The following WWOX variants were observed in gnomAD, a reference collection of about 807,000 sequenced individuals.
The protein encoded by WWOX is WW domain-containing oxidoreductase.
WWOX carries 69 observed loss-of-function variants against 46.2 expected under a neutral mutation model. That is an observed-to-expected ratio of 1.49 (90% CI 1.23 to 1.82). The LOEUF is 1.82. Among genes scored for constraint, WWOX ranks in the 40% most tolerant of loss-of-function variants. The probability of loss-of-function intolerance (pLI) is 0.00; values close to 1 mark genes in which losing one functional copy is unlikely to be tolerated. For missense variants in WWOX, 919 were observed against 542.6 expected (o/e 1.69, Z -6.89); for synonymous variants, 359 against 202.6 (o/e 1.77, Z -6.56).
At chr16:79,152,938 A>G (rs771294593) in intron 8 of WWOX, among the ~76,000 whole-genome samples, 9 of 152,140 alleles carry the variant, frequency 5.9e-5, no homozygotes, top group South Asian at 4.1e-4. Context: ...GACGGTGGAA[A>G]GAGAGGACTG....
chr16:78,571,513 A>C (rs541846345), intron 8 of WWOX, among the ~76,000 whole-genome samples: 2 of 152,326 alleles, frequency 1.3e-5, no homozygotes, highest in African/African-American at 4.8e-5. Context: ...GTGCCTTAGA[A>C]TACAAACTGT....
intron 5 of WWOX, among the ~76,000 whole-genome samples, chr16:78,202,497 A>G (rs975935195): frequency 6.6e-6 from 1 of 151,960 alleles, no homozygotes; most frequent in Admixed American, 6.6e-5. Flanking sequence ...AGCCATGTAG[A>G]CCTCGGTTGT....
rs187855364 is a variant in WWOX at position 78,636,048 on chromosome 16, C to A, written c.1056+203296C>A. ...GACGGTCCTTATGCTCGCTGCGGAACACTGCCTGTGTTTTCCTAGGAGAGA... is the reference window on the plus strand; with the variant it reads ...GACGGTCCTTATGCTCGCTGCGGAAAACTGCCTGTGTTTTCCTAGGAGAGA... On this transcript the variant is annotated intron_variant, in intron 8 of 8. Transcript: ENST00000566780. 3.3e-5 allele frequency among the ~76,000 whole-genome samples: 5 copies of A among 152,308 alleles called. No individual in the cohort carries two copies. In the East Asian group the frequency reaches 9.6e-4, roughly 29 times the overall value.
chr16:78,401,736 G>C (rs1361045920), intron 6 of WWOX, among the ~76,000 whole-genome samples: 1 of 151,854 alleles, frequency 6.6e-6, no homozygotes, highest in Non-Finnish European at 1.5e-5. Flanking sequence ...GTCTTGCTCT[G>C]TCGCCCAGGC....
intron 5 of WWOX, among the ~76,000 whole-genome samples, chr16:78,177,504 A>G (rs1215982376): frequency 6.6e-6 from 1 of 152,160 alleles, no homozygotes; most frequent in African/African-American, 2.4e-5. Flanking sequence ...TGGACTGTGA[A>G]CAGCCCCCAT....
chr16:78,712,321 G>GGT (rs1198372855), intron 8 of WWOX, among the ~76,000 whole-genome samples: 1 of 152,028 alleles, frequency 6.6e-6, no homozygotes, highest in Non-Finnish European at 1.5e-5. Context: ...GGCCAACCTG[G>GGT]TGAAACTCTG....
intron 8 of WWOX, among the ~76,000 whole-genome samples, chr16:78,642,412 T>C (rs1456686161): frequency 6.6e-6 from 1 of 152,194 alleles, no homozygotes; most frequent in African/African-American, 2.4e-5. Flanking sequence ...TCTCCTTGCT[T>C]CTTTCTCTTT....
intron 6 of WWOX, among the ~76,000 whole-genome samples, chr16:78,400,232 A>T (rs2082379620): frequency 6.6e-6 from 1 of 152,196 alleles, no homozygotes; most frequent in Non-Finnish European, 1.5e-5. Flanking sequence ...AAACAGGAGG[A>T]AAAGGTCTCT....
intron 5 of WWOX, among the ~76,000 whole-genome samples, chr16:78,189,852 A>C (rs1009103437): frequency 2.6e-5 from 4 of 151,942 alleles, no homozygotes; most frequent in Non-Finnish European, 4.4e-5. Context: ...ACGAGGTTTC[A>C]CCATGTTTGT....
chr16:78,361,714 C>A (rs1171639181), intron 5 of WWOX, among the ~76,000 whole-genome samples: 1 of 152,058 alleles, frequency 6.6e-6, no homozygotes, highest in Non-Finnish European at 1.5e-5. Flanking sequence ...TGTGTTCAGG[C>A]GATTCTCCCG....
intron 8 of WWOX, among the ~76,000 whole-genome samples, chr16:78,820,710 C>A (rs184421547): frequency 2.0e-5 from 3 of 152,130 alleles, no homozygotes; most frequent in African/African-American, 7.2e-5. Flanking sequence ...AACAAATTAT[C>A]GCAAACTGGG....
chr16:78,533,265 G>C (rs558953129), intron 8 of WWOX, among the ~76,000 whole-genome samples: 2 of 152,038 alleles, frequency 1.3e-5, no homozygotes, highest in African/African-American at 2.4e-5. Context: ...ACTTTTGGCC[G>C]GGCATGGTGG....
In WWOX at chr16:78,401,070, C is replaced by T. The variant is rs188224154; in HGVS notation, c.605+14122C>T. On this transcript the variant is annotated intron_variant, in intron 6 of 8. Coordinates refer to ENST00000566780, the MANE Select transcript of WWOX (RefSeq NM_016373.4). Reference sequence around the variant, plus strand: ...TCTGGAATCAAGTGATCCTCCTGCCCCTGCCTCCCAAAATACTGGGATTAC... The same window carrying T: ...TCTGGAATCAAGTGATCCTCCTGCCTCTGCCTCCCAAAATACTGGGATTAC... 7.3e-3 allele frequency among the ~76,000 whole-genome samples: 1,117 copies of T among 152,322 alleles called. 11 individuals are homozygous for T. Among genetic ancestry groups the T allele is most frequent in the South Asian group, 0.016 (75 of 4,828 alleles).
At chr16:78,873,195 T>C (rs768141226) in intron 8 of WWOX, 2 of 152,204 alleles carry the variant, frequency 1.3e-5, no homozygotes, top group Non-Finnish European at 2.9e-5. Flanking sequence ...CGTGCACTTA[T>C]TATGTATGTG....
intron 8 of WWOX, among the ~76,000 whole-genome samples, chr16:79,172,635 C>T (rs1259492716): frequency 6.6e-6 from 1 of 152,140 alleles, no homozygotes; most frequent in Non-Finnish European, 1.5e-5. Context: ...ATCTCACTAC[C>T]AATGGCAAAG....
intron 5 of WWOX, among the ~76,000 whole-genome samples, chr16:78,248,029 G>T (rs2037865488): frequency 6.6e-6 from 1 of 152,150 alleles, no homozygotes; most frequent in Non-Finnish European, 1.5e-5. Context: ...AACATTGATG[G>T]AGTGTTGGCA....
intron 8 of WWOX, among the ~76,000 whole-genome samples, chr16:78,700,684 C>G (rs1361492372): frequency 2.0e-5 from 3 of 152,144 alleles, no homozygotes; most frequent in Non-Finnish European, 2.9e-5. Flanking sequence ...TGTGGCATTC[C>G]TGGGCCTGCA....
intron 8 of WWOX, among the ~76,000 whole-genome samples, chr16:78,935,990 T>C (rs773145731): frequency 3.3e-5 from 5 of 152,074 alleles, no homozygotes; most frequent in Non-Finnish European, 7.4e-5. Context: ...TGATGGGATT[T>C]TAGTTGCTGG....
rs561494023 is a variant in WWOX at position 78,407,630 on chromosome 16, G to T, written c.606-17240G>T. 3.3e-5 allele frequency among the ~76,000 whole-genome samples: 5 copies of T among 152,220 alleles called. No individual in the cohort carries two copies. The South Asian group carries it at 1.0e-3, about 32-fold the overall frequency. ...GTCTCATTCTTGGGTTCCTTGAGTC[G>T]TAATGGGTTTGTCTTGTCTCCACAG... On this transcript the variant is annotated intron_variant, in intron 6 of 8. Transcript: ENST00000566780.
Sources: allele counts gnomAD v4.1 joint callset (sites outside exome capture counted in the v4.1 genomes callset), GRCh38; gene constraint gnomAD v4.1.1; transcripts MANE v1.5; gene names NCBI Gene and HGNC (gene_info 2026-07-23, HGNC 2026-07-21).